CACNA2D3: variants seen among roughly 807,000 people sequenced by gnomAD.
CACNA2D3 encodes calcium voltage-gated channel auxiliary subunit alpha2delta 3.
In CACNA2D3, 60 loss-of-function variants were observed where a neutral mutation model predicts 160.6. The observed-to-expected ratio is 0.37, with a 90% CI of 0.30 to 0.46. The LOEUF is 0.46. Among genes scored for constraint, CACNA2D3 ranks in the 20% least tolerant of loss-of-function variants. The probability of loss-of-function intolerance (pLI) is 1.00; values close to 1 mark genes in which losing one functional copy is unlikely to be tolerated. For missense variants in CACNA2D3, 1,205 were observed against 1,365.0 expected (o/e 0.88, Z 1.85); for synonymous variants, 558 against 492.9 (o/e 1.13, Z -1.75).
chr3:54,403,799 G>A (rs748228510), intron 4 of CACNA2D3, among the ~76,000 whole-genome samples: 3 of 152,012 alleles, frequency 2.0e-5, no homozygotes, highest in Non-Finnish European at 4.4e-5. Context: ...AGAAATGAAA[G>A]TGGAGACATT....
intron 35 of CACNA2D3, among the ~76,000 whole-genome samples, chr3:55,019,499 C>A (rs2107159581): frequency 6.6e-6 from 1 of 152,082 alleles, no homozygotes; most frequent in South Asian, 2.1e-4. Flanking sequence ...TATATTTATA[C>A]CTACACACCC....
chr3:54,690,081 T>C (rs1167970458), intron 11 of CACNA2D3, among the ~76,000 whole-genome samples: 1 of 152,036 alleles, frequency 6.6e-6, no homozygotes, highest in East Asian at 1.9e-4. Flanking sequence ...TTTCCCTAGA[T>C]ATCTGCACAT....
At chr3:54,789,331 G>A (rs1175339984) in intron 13 of CACNA2D3, among the ~76,000 whole-genome samples, 1 of 152,210 alleles carries the variant, frequency 6.6e-6, no homozygotes, top group Non-Finnish European at 1.5e-5. Flanking sequence ...TAAAACTGGT[G>A]AGTTATTAAA....
intron 2 of CACNA2D3, among the ~76,000 whole-genome samples, chr3:54,265,551 T>TATA (rs1702484691): frequency 7.9e-6 from 1 of 127,078 alleles, no homozygotes; most frequent in African/African-American, 3.2e-5. Flanking sequence ...TGTGTGTGTG[T>TATA]GTGTGTATAG....
At chr3:54,612,467 G>A (rs1053793484) in intron 9 of CACNA2D3, among the ~76,000 whole-genome samples, 2 of 152,170 alleles carry the variant, frequency 1.3e-5, no homozygotes, top group African/African-American at 2.4e-5. Flanking sequence ...AGGGAGGCCC[G>A]TGGAAGGCCT....
At position 54,636,701 on chromosome 3, in the gene CACNA2D3, AGTT is replaced by A. The variant is rs1042461889; in HGVS notation, c.1054-5420_1054-5418del. Among the ~76,000 whole-genome samples the A allele has an allele frequency of 6.0e-4, 91 of 151,882 alleles. 1 individual carries two copies. The highest frequency in any genetic ancestry group is 2.2e-3 in the African/African-American group (91 of 41,212). On this transcript the variant is annotated intron_variant, in intron 10 of 37. Coordinates refer to ENST00000474759, the MANE Select transcript of CACNA2D3 (RefSeq NM_018398.3). ...TATAACCATGCCTAGGAAGGAAAGG[AGTT>A]GTTGTTTTGTAAGGGATTGAGGTTT...
chr3:54,982,396 G>C (rs1358065697), intron 29 of CACNA2D3, among the ~76,000 whole-genome samples: 1 of 152,052 alleles, frequency 6.6e-6, no homozygotes, highest in Non-Finnish European at 1.5e-5. Context: ...CCCCTAAGTT[G>C]GGCCTCTAAC....
intron 3 of CACNA2D3, among the ~76,000 whole-genome samples, chr3:54,321,045 C>T (rs767690225): frequency 9.9e-5 from 15 of 152,104 alleles, no homozygotes; most frequent in Admixed American, 5.2e-4. Flanking sequence ...ATTGGCCGGG[C>T]GCGGTGGCTC....
At chr3:54,237,138 C>T (rs1701894284) in intron 2 of CACNA2D3, among the ~76,000 whole-genome samples, 1 of 151,848 alleles carries the variant, frequency 6.6e-6, no homozygotes, top group Non-Finnish European at 1.5e-5. Flanking sequence ...TCTTCCCCTA[C>T]AAAGTGTCTG....
intron 17 of CACNA2D3, among the ~76,000 whole-genome samples, chr3:54,854,208 T>TGA (rs1699118802): frequency 6.6e-6 from 1 of 152,152 alleles, no homozygotes; most frequent in Non-Finnish European, 1.5e-5. Flanking sequence ...CAAGACTGTG[T>TGA]GACCCCACGT....
At chr3:54,866,792 G>T (rs1255878454) in intron 17 of CACNA2D3, among the ~76,000 whole-genome samples, 1 of 152,222 alleles carries the variant, frequency 6.6e-6, no homozygotes, top group African/African-American at 2.4e-5. Flanking sequence ...GGAAGGCTCT[G>T]TGCTGCAGGC....
intron 9 of CACNA2D3, among the ~76,000 whole-genome samples, chr3:54,584,153 A>G (rs1172385245): frequency 6.6e-6 from 1 of 152,194 alleles, no homozygotes; most frequent in Non-Finnish European, 1.5e-5. Context: ...TATAAAATCC[A>G]TAATGCCCAG....
intron 2 of CACNA2D3, among the ~76,000 whole-genome samples, chr3:54,194,653 G>A (rs62252188): frequency 0.014 from 2,172 of 152,310 alleles, 21 homozygotes; most frequent in South Asian, 0.027. Context: ...TCTAGAGGCT[G>A]GGAAGTCCAA....
chr3:54,666,558 A>G (rs1336965375), intron 11 of CACNA2D3, among the ~76,000 whole-genome samples: 2 of 152,250 alleles, frequency 1.3e-5, no homozygotes, highest in Non-Finnish European at 1.5e-5. Flanking sequence ...TTGCTGACAT[A>G]GTGATAAAGA....
At chr3:54,836,268 T>G (rs1001107199) in intron 14 of CACNA2D3, among the ~76,000 whole-genome samples, 1 of 145,094 alleles carries the variant, frequency 6.9e-6, no homozygotes, top group African/African-American at 2.6e-5. Flanking sequence ...AGAGTCTCGC[T>G]CTGTCACCCA....
At chr3:54,297,918 A>G (rs1411502241) in intron 2 of CACNA2D3, among the ~76,000 whole-genome samples, 1 of 152,210 alleles carries the variant, frequency 6.6e-6, no homozygotes, top group African/African-American at 2.4e-5. Context: ...TAGCATTAGT[A>G]TCACACAGAA....
rs569407466 is a variant in CACNA2D3, at chr3:55,051,021, G to C, written c.2988-22424G>C. On this transcript the variant is annotated intron_variant, in intron 35 of 37. Coordinates refer to ENST00000474759, the MANE Select transcript of CACNA2D3 (RefSeq NM_018398.3). ...TACATTCTTCTAAATTTTTTTCAAA[G>C]TTTTCAACTTCTTTGCCTTTGGTTT... is the stretch of plus-strand genomic sequence containing the variant. Among the ~76,000 whole-genome samples, 182 of 146,892 alleles carry C rather than the reference G, an allele frequency of 1.2e-3. 1 individual carries two copies. Among genetic ancestry groups the C allele is most frequent in the Admixed American group, 2.5e-3 (37 of 14,760 alleles).
chr3:54,654,988 C>A (rs1699850549), intron 11 of CACNA2D3, among the ~76,000 whole-genome samples: 1 of 152,160 alleles, frequency 6.6e-6, no homozygotes, highest in Admixed American at 6.5e-5. Flanking sequence ...AAAGCAGAAA[C>A]GTGGTTTGCA....
intron 2 of CACNA2D3, among the ~76,000 whole-genome samples, chr3:54,189,548 G>A (rs1320427819): frequency 6.6e-6 from 1 of 152,148 alleles, no homozygotes; most frequent in Non-Finnish European, 1.5e-5. Context: ...TCATCACCAT[G>A]TGGTGCTAGT....
Sources: gnomAD v4.1 joint callset for allele counts (sites outside exome capture counted in the v4.1 genomes callset) on GRCh38, gnomAD v4.1.1 for gene constraint, MANE v1.5 for transcripts, NCBI Gene and HGNC (gene_info 2026-07-23, HGNC 2026-07-21) for gene names.